EYS: variants seen among roughly 807,000 people sequenced by gnomAD.
EYS encodes the protein EGF-like photoreceptor maintenance factor.
EYS carries 250 observed loss-of-function variants against 282.1 expected under a neutral mutation model. The observed-to-expected ratio is 0.89, with a 90% confidence interval of 0.80 to 0.98. EYS has a LOEUF of 0.98. Among genes scored for constraint, EYS ranks in the 50% least tolerant of loss-of-function variants. EYS has a pLI of 0.00. For synonymous variants in EYS, 1,355 were observed against 1,282.9 expected (o/e 1.06, Z -1.20); for missense variants, 4,016 against 3,709.0 (o/e 1.08, Z -2.15).
chr6:65,294,922 C>T (rs1316965159), intron 12 of EYS, among the ~76,000 whole-genome samples: 1 of 151,838 alleles, frequency 6.6e-6, no homozygotes, highest in African/African-American at 2.4e-5. Flanking sequence ...TTTTTGCGCT[C>T]AAATTTATTT....
At chr6:65,482,279 C>T (rs987555817) in intron 5 of EYS, among the ~76,000 whole-genome samples, 1 of 152,058 alleles carries the variant, frequency 6.6e-6, no homozygotes, top group Non-Finnish European at 1.5e-5. Context: ...TAAACATTTG[C>T]CATAAATTAT....
At chr6:65,226,445 C>A (rs1192704601) in intron 12 of EYS, among the ~76,000 whole-genome samples, 1 of 152,046 alleles carries the variant, frequency 6.6e-6, no homozygotes, top group Non-Finnish European at 1.5e-5. Flanking sequence ...AAAAGACAAG[C>A]AACCAATTTA....
intron 22 of EYS, among the ~76,000 whole-genome samples, chr6:64,733,005 T>C (rs115567717): frequency 0.011 from 1,718 of 152,290 alleles, 26 homozygotes; most frequent in African/African-American, 0.039. Flanking sequence ...TATCCCCTAA[T>C]TGTGGTATTA....
chr6:64,082,829 G>A (rs1325613846), intron 31 of EYS, among the ~76,000 whole-genome samples: 1 of 151,306 alleles, frequency 6.6e-6, no homozygotes, highest in Non-Finnish European at 1.5e-5. Context: ...AATATAATTG[G>A]TACATAGAAC....
At chr6:64,291,517 CAAGTA>C (rs1264372390) in intron 30 of EYS, among the ~76,000 whole-genome samples, 1 of 151,874 alleles carries the variant, frequency 6.6e-6, no homozygotes, top group Non-Finnish European at 1.5e-5. Context: ...TTTCAATTGT[CAAGTA>C]AAGCAGACAA....
chr6:64,344,348 G>T (rs1398707731), intron 29 of EYS, among the ~76,000 whole-genome samples: 1 of 151,822 alleles, frequency 6.6e-6, no homozygotes, highest in Non-Finnish European at 1.5e-5. Context: ...ACATCAAAAA[G>T]CTTATCCACC....
chr6:64,967,983 A>T (rs954848657), intron 14 of EYS, among the ~76,000 whole-genome samples: 6 of 152,218 alleles, frequency 3.9e-5, no homozygotes, highest in African/African-American at 1.2e-4. Context: ...CCTAGAACTC[A>T]GCAGAAAGAA....
intron 36 of EYS, among the ~76,000 whole-genome samples, chr6:63,811,460 C>A (rs183718240): frequency 2.0e-5 from 3 of 152,176 alleles, no homozygotes; most frequent in African/African-American, 7.2e-5. Flanking sequence ...GTCTCCATGA[C>A]CACTGCACTG....
At chr6:63,846,597 G>A (rs1312927617) in intron 36 of EYS, among the ~76,000 whole-genome samples, 2 of 152,238 alleles carry the variant, frequency 1.3e-5, no homozygotes, top group Admixed American at 6.5e-5. Flanking sequence ...AAGATTGGAT[G>A]TTCCCTGCCA....
At position 64,217,959 on chromosome 6, in the gene EYS, T is replaced by A. The variant is rs373196102; in HGVS notation, c.6424+12633A>T. 9.9e-5 allele frequency among the ~76,000 whole-genome samples: 15 copies of A among 152,278 alleles called. 1 individual carries two copies. Among genetic ancestry groups the A allele is most frequent in the African/African-American group, 3.6e-4 (15 of 41,570 alleles). ...CACATGCTAGCAGAGCTGAAGCAGTTTGTAGGAATCTCTGTTGTTGTAGGA... is the reference window on the plus strand; with the variant it reads ...CACATGCTAGCAGAGCTGAAGCAGTATGTAGGAATCTCTGTTGTTGTAGGA... On this transcript the variant is annotated intron_variant, in intron 31 of 42. Transcript: ENST00000503581.
chr6:64,564,268 CTTTTTTTTTTTT>C (rs4034161), intron 26 of EYS, among the ~76,000 whole-genome samples: 801 of 59,400 alleles, frequency 0.013, 32 homozygotes, highest in African/African-American at 0.051. Context: ...ATCTTTTGTC[CTTTTTTTTTTTT>C]TTTTTTTTTT....
chr6:65,086,969 C>T lies in EYS; in HGVS notation c.2024-29242G>A, dbSNP rs1249413198. On this transcript the variant is annotated intron_variant, in intron 12 of 42. Transcript: ENST00000503581. ...CCCTGAGTAGCTGGGACTACAGGTG[C>T]GTCCCACAACACCCAGCTAATTTTT... Among the ~76,000 whole-genome samples, 18 of 151,932 alleles carry T rather than the reference C, an allele frequency of 1.2e-4. 1 individual carries two copies. Among genetic ancestry groups the T allele is most frequent in the Admixed American group, 7.9e-4 (12 of 15,258 alleles).
chr6:63,910,185 G>T (rs892570777), intron 35 of EYS, among the ~76,000 whole-genome samples: 1 of 152,106 alleles, frequency 6.6e-6, no homozygotes, highest in Admixed American at 6.6e-5. Flanking sequence ...GGAATATTTT[G>T]CTCCCCACAA....
At chr6:64,483,888 T>C (rs1776507965) in intron 26 of EYS, among the ~76,000 whole-genome samples, 1 of 151,738 alleles carries the variant, frequency 6.6e-6, no homozygotes, top group African/African-American at 2.4e-5. Context: ...CTAACATGTA[T>C]TGTCTTATTC....
intron 29 of EYS, among the ~76,000 whole-genome samples, chr6:64,348,359 A>AT (rs1026407898): frequency 2.0e-5 from 3 of 151,252 alleles, no homozygotes; most frequent in Non-Finnish European, 3.0e-5. Flanking sequence ...ATAATGTTGG[A>AT]TTTTTTTTCC....
At chr6:65,119,182 G>T (rs1775458706) in intron 12 of EYS, among the ~76,000 whole-genome samples, 1 of 152,138 alleles carries the variant, frequency 6.6e-6, no homozygotes, top group Admixed American at 6.5e-5. Flanking sequence ...TTCTAGTTAA[G>T]AAATTGCTGC....
intron 35 of EYS, among the ~76,000 whole-genome samples, chr6:63,950,412 AG>A (rs943198715): frequency 2.0e-5 from 3 of 151,724 alleles, no homozygotes; most frequent in African/African-American, 7.3e-5. Flanking sequence ...TGCCTGCCAG[AG>A]AACAACCCCC....
chr6:65,413,228 T>A (rs1767095767), intron 5 of EYS, among the ~76,000 whole-genome samples: 1 of 152,152 alleles, frequency 6.6e-6, no homozygotes, highest in Admixed American at 6.6e-5. Context: ...TATGAAGCAA[T>A]TAAAATAATA....
chr6:64,610,404 A>ATTTT (rs10536697), intron 24 of EYS, among the ~76,000 whole-genome samples: 2 of 100,168 alleles, frequency 2.0e-5, no homozygotes, highest in Non-Finnish European at 3.9e-5. Context: ...TGTTGTAAGA[A>ATTTT]TTTTTTTTTT....
Sources: gnomAD v4.1 joint callset for allele counts (sites outside exome capture counted in the v4.1 genomes callset) on GRCh38, gnomAD v4.1.1 for gene constraint, MANE v1.5 for transcripts, NCBI Gene and HGNC (gene_info 2026-07-23, HGNC 2026-07-21) for gene names.